TMEM131: variants seen among roughly 807,000 people sequenced by gnomAD.
The protein encoded by TMEM131 is transmembrane protein 131, also known as 2610524E03Rik.
In TMEM131, 66 loss-of-function variants were observed where a neutral mutation model predicts 211.6. The observed-to-expected ratio is 0.31, with a 90% CI of 0.26 to 0.38. The LOEUF (loss-of-function observed/expected upper bound fraction) is 0.38. Ranked by LOEUF, TMEM131 falls within the 10% of genes least tolerant of loss-of-function variation. The probability of loss-of-function intolerance (pLI) is 1.00; values close to 1 mark genes in which losing one functional copy is unlikely to be tolerated. For synonymous variants in TMEM131, 844 were observed against 841.3 expected, an observed-to-expected ratio of 1.00 and a Z score of -0.06; for missense variants, 2,036 against 2,299.3, an observed-to-expected ratio of 0.89 and a Z score of 2.34.
intron 1 of TMEM131, among the ~76,000 whole-genome samples, chr2:97,957,672 A>C (rs1217625581): frequency 1.3e-5 from 2 of 152,230 alleles, no homozygotes; most frequent in Non-Finnish European, 2.9e-5. Flanking sequence ...CAAGTGTTAG[A>C]ACTTCTATTC....
In TMEM131 at chr2:97,829,110, G is replaced by T. The variant is rs117459613; in HGVS notation, c.1074+4255C>A. Among the ~76,000 whole-genome samples, 524 of 152,326 alleles carry T rather than the reference G, an allele frequency of 3.4e-3. 8 individuals carry two copies. The East Asian group carries it at 0.042, about 12-fold the overall frequency. On this transcript the variant is annotated intron_variant, in intron 11 of 40. Coordinates refer to ENST00000186436, the MANE Select transcript of TMEM131 (RefSeq NM_015348.2). ...CTTCTTTGCCCTTATCCAGTAGGAA[G>T]TAGCTAGAATGATCATTGCCCAATT... is the stretch of plus-strand genomic sequence containing the variant.
At chr2:97,968,307 ATATATAT>A (rs1475851727) in intron 1 of TMEM131, among the ~76,000 whole-genome samples, 1 of 151,960 alleles carries the variant, frequency 6.6e-6, no homozygotes, top group Non-Finnish European at 1.5e-5. Flanking sequence ...CCTTTATTAT[ATATATAT>A]TATATATTAT....
At chr2:97,851,086 T>C (rs1020261569) in intron 5 of TMEM131, among the ~76,000 whole-genome samples, 8 of 151,828 alleles carry the variant, frequency 5.3e-5, no homozygotes, top group Non-Finnish European at 1.2e-4. Flanking sequence ...AAGTCAGCAC[T>C]GTACCATAGC....
rs192041078 is a variant in TMEM131 at position 97,939,097 on chromosome 2, A to C, written c.188-11610T>G. ...AGCAGGAAAGATCTAAAATTGACACACTAACATCACAATTAAAAGAACTAG... is the reference window on the plus strand; with the variant it reads ...AGCAGGAAAGATCTAAAATTGACACCCTAACATCACAATTAAAAGAACTAG... On this transcript the variant is annotated intron_variant, in intron 1 of 40. Coordinates refer to ENST00000186436, the MANE Select transcript of TMEM131 (RefSeq NM_015348.2). Among the ~76,000 whole-genome samples, 134 of 152,220 alleles carry C rather than the reference A, an allele frequency of 8.8e-4. No homozygotes were observed. In the East Asian group the frequency reaches 0.019, roughly 21 times the overall value.
intron 1 of TMEM131, among the ~76,000 whole-genome samples, chr2:97,935,400 T>G (rs1321840486): frequency 6.6e-6 from 1 of 152,192 alleles, no homozygotes; most frequent in African/African-American, 2.4e-5. Flanking sequence ...CAGTGTATGA[T>G]TCTAAAATGA....
intron 29 of TMEM131, among the ~76,000 whole-genome samples, 198 bp from the exon 30 acceptor site, chr2:97,793,751 T>C (rs921102045): frequency 2.0e-5 from 3 of 151,692 alleles, no homozygotes; most frequent in African/African-American, 4.8e-5. Context: ...TCCCAGCACT[T>C]TGGGAGGCCG....
At chr2:97,844,035 C>A in intron 6 of TMEM131, 110 bp downstream of exon 6, 1 of 367,582 alleles carries the variant, frequency 2.7e-6, no homozygotes, top group Non-Finnish European at 5.1e-6. Flanking sequence ...AGTCTAAACT[C>A]CTACATTTTC....
chr2:97,790,608 G>A (rs1680458008), intron 31 of TMEM131, among the ~76,000 whole-genome samples: 1 of 152,216 alleles, frequency 6.6e-6, no homozygotes, highest in Non-Finnish European at 1.5e-5. Flanking sequence ...GTTGACACAG[G>A]AATGAGGTAG....
At chr2:97,909,274 A>G (rs1290353628) in intron 2 of TMEM131, among the ~76,000 whole-genome samples, 3 of 152,162 alleles carry the variant, frequency 2.0e-5, no homozygotes, top group Non-Finnish European at 4.4e-5. Context: ...GTGGTAGAGA[A>G]AACAGCACAT....
At chr2:97,887,879 AATAG>A (rs1485946924) in intron 4 of TMEM131, 169 bp downstream of exon 4, 2 of 560,832 alleles carry the variant, frequency 3.6e-6, no homozygotes, top group East Asian at 2.8e-5. Flanking sequence ...TTAGACTCCT[AATAG>A]ATACTTACTT....
At chr2:97,819,967 C>T (rs1388787875) in intron 11 of TMEM131, among the ~76,000 whole-genome samples, 4 of 152,216 alleles carry the variant, frequency 2.6e-5, no homozygotes, top group Non-Finnish European at 5.9e-5. Context: ...GAATGATCCT[C>T]GTGCCTTGTG....
chr2:97,823,698 T>G, intron 11 of TMEM131, among the ~76,000 whole-genome samples: 1 of 152,024 alleles, frequency 6.6e-6, no homozygotes, highest in East Asian at 1.9e-4. Context: ...CTAAGAAGAA[T>G]TAGGAAAAAG....
chr2:97,955,550 A>G (rs919563121), intron 1 of TMEM131, among the ~76,000 whole-genome samples: 1 of 152,226 alleles, frequency 6.6e-6, no homozygotes, highest in Non-Finnish European at 1.5e-5. Context: ...ATCCAAAGGA[A>G]CCTGTGAAAA....
intron 1 of TMEM131, among the ~76,000 whole-genome samples, chr2:97,931,154 G>A (rs979443724): frequency 2.0e-5 from 3 of 151,792 alleles, no homozygotes; most frequent in Admixed American, 6.5e-5. Context: ...CTGACAATAA[G>A]TGAGGAAAGG....
At chr2:97,819,482 T>C (rs1162706712) in intron 11 of TMEM131, among the ~76,000 whole-genome samples, 1 of 152,230 alleles carries the variant, frequency 6.6e-6, no homozygotes, top group Admixed American at 6.5e-5. Flanking sequence ...GTTTTACTAA[T>C]GAAATTTCCA....
rs933724603 is a variant in TMEM131, at chr2:97,995,599, C to G, written c.64G>C (p.Gly22Arg). The G allele has an allele frequency of 1.3e-5, 17 of 1,260,218 alleles. No individual in the cohort carries two copies. The highest frequency in any genetic ancestry group is 1.6e-5 in the Non-Finnish European group (16 of 1,004,196). The allele number at this position is 1,260,218 out of a possible 1,614,324, so 78.1% of individuals were successfully genotyped here. ...GCGGCCGCAGGTTCCAGCCCGGCCC[C>G]GGCGGACGTGGAGACGGCGGCGGTG... Reference protein sequence around the residue: ...ATTAAVSTSAGAGLEPAAARS... With the variant: ...ATTAAVSTSARAGLEPAAARS... Residue 22 changes from glycine to arginine, a missense_variant, in exon 1 of 41, where the codon GGG (glycine) becomes CGG (arginine). Physicochemically the swap from Gly to Arg is moderately radical, Grantham distance 125 (BLOSUM62 -2). Coordinates refer to ENST00000186436, the MANE Select transcript of TMEM131 (RefSeq NM_015348.2).
intron 4 of TMEM131, among the ~76,000 whole-genome samples, chr2:97,878,950 A>G (rs981291793): frequency 3.3e-5 from 5 of 152,176 alleles, no homozygotes; most frequent in African/African-American, 9.7e-5. Flanking sequence ...GTCATCCCCT[A>G]GAATCTTCAT....
chr2:97,914,151 G>A (rs1209653997), intron 2 of TMEM131, among the ~76,000 whole-genome samples: 1 of 152,084 alleles, frequency 6.6e-6, no homozygotes, highest in African/African-American at 2.4e-5. Context: ...CACAAAAGGG[G>A]TCTTTCCTGA....
chr2:97,821,379 C>T (rs533818648), intron 11 of TMEM131, among the ~76,000 whole-genome samples: 5 of 152,300 alleles, frequency 3.3e-5, no homozygotes, highest in South Asian at 4.1e-4. Flanking sequence ...ATCAGCAGGA[C>T]GCGGGCAGGG....
Sources: gnomAD v4.1 joint callset for allele counts (sites outside exome capture counted in the v4.1 genomes callset) on GRCh38, gnomAD v4.1.1 for gene constraint, MANE v1.5 for transcripts, NCBI Gene and HGNC (gene_info 2026-07-23, HGNC 2026-07-21) for gene names.